SEMA6D: variants seen among roughly 807,000 people sequenced by gnomAD.
SEMA6D encodes semaphorin 6D.
SEMA6D carries 35 observed loss-of-function variants against 106.6 expected under a neutral mutation model. The ratio of observed to expected loss-of-function variants is 0.33; its 90% CI spans 0.25 to 0.44. The LOEUF (loss-of-function observed/expected upper bound fraction) is 0.44. Among genes scored for constraint, SEMA6D ranks in the 20% least tolerant of loss-of-function variants. The pLI is 1.00. For missense variants in SEMA6D, 1,185 were observed against 1,345.9 expected, an observed-to-expected ratio of 0.88 and a Z score of 1.87; for synonymous variants, 499 against 487.7, an observed-to-expected ratio of 1.02 and a Z score of -0.31.
chr15:47,753,304 G>T (rs947129417), intron 1 of SEMA6D, among the ~76,000 whole-genome samples: 1 of 152,176 alleles, frequency 6.6e-6, no homozygotes, highest in Non-Finnish European at 1.5e-5. Flanking sequence ...CATTACTAGC[G>T]AGTTGTCCTA....
At chr15:47,210,059 A>C (rs2141205029) in intron 1 of SEMA6D, among the ~76,000 whole-genome samples, 1 of 152,330 alleles carries the variant, frequency 6.6e-6, no homozygotes, top group South Asian at 2.1e-4. Context: ...ATTTCTGGAA[A>C]GATGTTAGGC....
chr15:47,655,292 G>A (rs1003511998), intron 4 of SEMA6D, among the ~76,000 whole-genome samples: 2 of 152,194 alleles, frequency 1.3e-5, no homozygotes, highest in Non-Finnish European at 1.5e-5. Flanking sequence ...CTGATTAAGT[G>A]GCCTGGGCCA....
intron 1 of SEMA6D, among the ~76,000 whole-genome samples, chr15:47,395,950 T>C (rs1779800869): frequency 6.6e-6 from 1 of 152,164 alleles, no homozygotes; most frequent in African/African-American, 2.4e-5. Flanking sequence ...TAGTAGGAGA[T>C]GGGGCCTTTG....
intron 1 of SEMA6D, among the ~76,000 whole-genome samples, chr15:47,748,004 A>G (rs2147241853): frequency 6.6e-6 from 1 of 152,328 alleles, no homozygotes; most frequent in South Asian, 2.1e-4. Flanking sequence ...GTTCTGGGAA[A>G]GCTGCAAAGT....
Position 47,559,229 on chromosome 15 carries a change from C to G in SEMA6D, c.-86-41636C>G, listed in dbSNP as rs146905390. On this transcript the variant is annotated intron_variant, in intron 3 of 19. Coordinates refer to the SEMA6D transcript ENST00000558014. The stretch of plus-strand genomic sequence containing the variant: ...ATTGAAAAAAAGTCTTAAAGTGTTT[C>G]TCTTCAAGCATGACGGAATGGGGAG... 1.3e-4 allele frequency among the ~76,000 whole-genome samples: 20 copies of G among 152,154 alleles called. No individual in the cohort carries two copies. In the East Asian group the frequency reaches 3.9e-3, roughly 29 times the overall value.
chr15:47,471,888 T>C (rs1253725644), intron 3 of SEMA6D, among the ~76,000 whole-genome samples: 2 of 151,350 alleles, frequency 1.3e-5, no homozygotes, highest in African/African-American at 4.9e-5. Flanking sequence ...ATCAGAGTTC[T>C]ACCTGGCTGT....
At chr15:47,414,327 C>A (rs557827527) in intron 2 of SEMA6D, among the ~76,000 whole-genome samples, 2 of 152,194 alleles carry the variant, frequency 1.3e-5, no homozygotes, top group African/African-American at 4.8e-5. Flanking sequence ...TCGTGGTTTC[C>A]TCATACATAC....
chr15:47,687,042 G>C (rs974060072), intron 4 of SEMA6D, among the ~76,000 whole-genome samples: 1 of 146,550 alleles, frequency 6.8e-6, no homozygotes, highest in South Asian at 2.2e-4. Context: ...TTTCAGCCTA[G>C]GTGACACAGC....
At chr15:47,272,098 G>T (rs886274540) in intron 1 of SEMA6D, among the ~76,000 whole-genome samples, 5 of 152,172 alleles carry the variant, frequency 3.3e-5, no homozygotes, top group Non-Finnish European at 7.3e-5. Context: ...TAGAGATCTG[G>T]CAGTTGGATT....
intron 1 of SEMA6D, among the ~76,000 whole-genome samples, chr15:47,310,560 A>C (rs1171085505): frequency 6.7e-6 from 1 of 148,462 alleles, no homozygotes; most frequent in East Asian, 2.0e-4. Context: ...TAATGCTGTC[A>C]ATATATTCAA....
intron 1 of SEMA6D, among the ~76,000 whole-genome samples, chr15:47,731,814 A>G (rs1388104065): frequency 3.3e-5 from 5 of 152,238 alleles, no homozygotes; most frequent in East Asian, 1.9e-4. Context: ...ACATATATGT[A>G]TATGTATGTA....
At chr15:47,523,626 A>G (rs2044659086) in intron 3 of SEMA6D, among the ~76,000 whole-genome samples, 4 of 152,180 alleles carry the variant, frequency 2.6e-5, no homozygotes, top group Admixed American at 1.3e-4. Flanking sequence ...ATTTTCTCCT[A>G]GAAGGTAGAT....
At chr15:47,562,656 C>A (rs145878013) in intron 3 of SEMA6D, among the ~76,000 whole-genome samples, 1 of 151,874 alleles carries the variant, frequency 6.6e-6, no homozygotes, top group Non-Finnish European at 1.5e-5. Context: ...AAGAGATACA[C>A]GCTAGAATGA....
chr15:47,382,259 A>T (rs1002755866), intron 1 of SEMA6D, among the ~76,000 whole-genome samples: 2 of 152,224 alleles, frequency 1.3e-5, no homozygotes, highest in African/African-American at 4.8e-5. Flanking sequence ...CTGTAATCCC[A>T]GCACTTTGGG....
At chr15:47,470,983 G>A (rs1029579666) in intron 3 of SEMA6D, among the ~76,000 whole-genome samples, 1 of 152,088 alleles carries the variant, frequency 6.6e-6, no homozygotes, top group African/African-American at 2.4e-5. Context: ...CACTGTAATG[G>A]CCTTGTCTGT....
At chr15:47,411,264 T>G (rs544580213) in intron 1 of SEMA6D, among the ~76,000 whole-genome samples, 60 of 151,960 alleles carry the variant, frequency 3.9e-4, no homozygotes, top group Non-Finnish European at 6.5e-4. Flanking sequence ...CCCGGCTAAT[T>G]TTTTGTATTT....
intron 1 of SEMA6D, among the ~76,000 whole-genome samples, chr15:47,298,638 C>G (rs2142973439): frequency 6.6e-6 from 1 of 152,266 alleles, no homozygotes; most frequent in Non-Finnish European, 1.5e-5. Context: ...GTTTTCACAT[C>G]TGCCCTCCAG....
intron 3 of SEMA6D, among the ~76,000 whole-genome samples, chr15:47,473,546 A>G (rs921415240): frequency 1.1e-4 from 16 of 152,220 alleles, no homozygotes; most frequent in African/African-American, 3.9e-4. Flanking sequence ...CAGGAAGTCT[A>G]TATGTAAAAT....
intron 4 of SEMA6D, among the ~76,000 whole-genome samples, chr15:47,674,407 A>G (rs1217369176): frequency 1.3e-5 from 2 of 152,186 alleles, no homozygotes; most frequent in African/African-American, 4.8e-5. Context: ...AACCCTTGTA[A>G]TTCAACCTGA....
Sources: gnomAD v4.1 joint callset for allele counts (sites outside exome capture counted in the v4.1 genomes callset) on GRCh38, gnomAD v4.1.1 for gene constraint, MANE v1.5 for transcripts, NCBI Gene and HGNC (gene_info 2026-07-23, HGNC 2026-07-21) for gene names.